RHPN2: variants seen among roughly 807,000 people sequenced by gnomAD.
The protein encoded by RHPN2 is rhophilin-2.
A neutral mutation model predicts 79.0 loss-of-function variants in RHPN2; 40 were observed. The ratio of observed to expected loss-of-function variants is 0.51; its 90% CI spans 0.39 to 0.66. The LOEUF (loss-of-function observed/expected upper bound fraction) is 0.66. RHPN2 is among the 30% of genes least tolerant of loss of function. The pLI is 0.00. For missense variants in RHPN2, 686 were observed against 883.5 expected (o/e 0.78, Z 2.83); for synonymous variants, 285 against 363.5 (o/e 0.78, Z 2.46).
At chr19:33,015,696 T>C (rs1025736163) in intron 4 of RHPN2, among the ~76,000 whole-genome samples, 3 of 152,110 alleles carry the variant, frequency 2.0e-5, no homozygotes, top group Non-Finnish European at 2.9e-5. Flanking sequence ...TGAAAGTCAA[T>C]AGTAAAAAAG....
intron 9 of RHPN2, among the ~76,000 whole-genome samples, chr19:33,001,872 GA>G (rs1234722426): frequency 6.6e-6 from 1 of 152,148 alleles, no homozygotes; most frequent in African/African-American, 2.4e-5. Context: ...CCAAAGTGCT[GA>G]GATTACAGGC....
chr19:33,061,469 T>G (rs1972279713), intron 1 of RHPN2, among the ~76,000 whole-genome samples: 2 of 150,542 alleles, frequency 1.3e-5, no homozygotes, highest in African/African-American at 2.5e-5. Flanking sequence ...CCTCCCAAAG[T>G]GCTGGGATTT....
chr19:33,002,410 T>C lies in RHPN2; in HGVS notation c.949-7A>G, dbSNP rs368412136. 1.6e-5 allele frequency: 26 copies of C among 1,613,700 alleles called. No individual in the cohort carries two copies. In the African/African-American group the frequency reaches 2.7e-4, roughly 17 times the overall value. The stretch of plus-strand genomic sequence containing the variant: ...GTTGGTAGACCTCTCCCACCTGAAA[T>C]AGAAGGGACACTGGGAAGGGGCAGC... On this transcript the variant is annotated splice_polypyrimidine_tract_variant and splice_region_variant and intron_variant, in intron 8 of 14. Transcript: ENST00000254260.
In RHPN2 at chr19:32,981,421, G is replaced by GGGGGA. The variant is rs1221253973; in HGVS notation, c.1801-1166_1801-1165insTCCCC. Among the ~76,000 whole-genome samples, 7 of 120,736 alleles carry GGGGGA rather than the reference G, an allele frequency of 5.8e-5. 1 individual carries two copies. The highest frequency in any genetic ancestry group is 1.0e-4 in the Non-Finnish European group (6 of 58,820). The allele number at this position is 120,736 out of a possible 152,430, so 79.2% of individuals were successfully genotyped here. ...TCTGTCTCAAAATAAAAAAAAAGGG[G>GGGGGA]GGGGGCGGGGGGAAGGGAAGAGGGG... On this transcript the variant is annotated intron_variant, in intron 14 of 14. Transcript: ENST00000254260.
At chr19:32,990,166 AGC>A (rs1491097969) in intron 14 of RHPN2, among the ~76,000 whole-genome samples, 1 of 41,830 alleles carries the variant, frequency 2.4e-5, no homozygotes, top group African/African-American at 1.5e-4. Context: ...AGAAAGAAAG[AGC>A]GAGCCAGGGG....
chr19:33,003,412 G>A (rs1037994552), intron 7 of RHPN2, among the ~76,000 whole-genome samples: 7 of 143,278 alleles, frequency 4.9e-5, no homozygotes, highest in African/African-American at 1.5e-4. Flanking sequence ...AAAAAGAACC[G>A]GTGTCCTACA....
intron 14 of RHPN2, among the ~76,000 whole-genome samples, chr19:32,989,532 T>C (rs2146000844): frequency 6.6e-6 from 1 of 152,374 alleles, no homozygotes; most frequent in Non-Finnish European, 1.5e-5. Flanking sequence ...GTCTTAACTT[T>C]CACAGGTTGT....
chr19:33,027,268 A>G (rs1160845601), intron 2 of RHPN2: 1 of 152,636 alleles, frequency 6.6e-6, no homozygotes, highest in Non-Finnish European at 1.5e-5. Context: ...AAAAAAAAAA[A>G]AAAGAAATGA....
At chr19:32,995,146 C>T (rs1971690654) in intron 11 of RHPN2, among the ~76,000 whole-genome samples, 2 of 152,090 alleles carry the variant, frequency 1.3e-5, no homozygotes, top group African/African-American at 2.4e-5. Context: ...GATCACAGCT[C>T]GCTTGCAGCT....
intron 7 of RHPN2, among the ~76,000 whole-genome samples, chr19:33,003,357 CAAAAAAAAAAAAA>C (rs56166279): frequency 7.5e-5 from 5 of 66,616 alleles, no homozygotes; most frequent in African/African-American, 2.6e-4. Context: ...GACTCTGTCT[CAAAAAAAAAAAAA>C]AAAAAAAAAA....
At chr19:33,001,034 GTT>G (rs1186422973) in intron 9 of RHPN2, among the ~76,000 whole-genome samples, 2 of 152,062 alleles carry the variant, frequency 1.3e-5, no homozygotes, top group Non-Finnish European at 2.9e-5. Flanking sequence ...CAGGCCCTTC[GTT>G]TTCGTTTTCA....
rs1971558995 is a variant in RHPN2, at chr19:32,979,877, A to C, written c.*119T>G. On this transcript the variant is annotated 3_prime_UTR_variant, in exon 15 of 15. Transcript: ENST00000254260. ...AAAAACACATCAAATGTGAGTTTAC[A>C]CTATGAGAAAAACAGGATTTGAGAA... 1 of 1,255,010 alleles carries C rather than the reference A, an allele frequency of 8.0e-7. No homozygotes were observed. Among genetic ancestry groups the C allele is most frequent in the Non-Finnish European group, 1.2e-6 (1 of 868,926 alleles). 77.7% of individuals were successfully genotyped at this position (1,255,010 alleles called of 1,614,324 possible). A position where few individuals can be genotyped will look rare whatever the true frequency, so the allele number is the denominator to read the frequency against.
intron 1 of RHPN2, among the ~76,000 whole-genome samples, chr19:33,050,099 C>A (rs1972175156): frequency 6.6e-6 from 1 of 152,136 alleles, no homozygotes; most frequent in South Asian, 2.1e-4. Flanking sequence ...TTCTGCCTGG[C>A]CCATTGGAAA....
intron 1 of RHPN2, among the ~76,000 whole-genome samples, chr19:33,056,107 T>TC (rs1972230549): frequency 6.7e-6 from 1 of 150,132 alleles, no homozygotes; most frequent in African/African-American, 2.5e-5. Flanking sequence ...CTTTTTTTTT[T>TC]CTTTTTTCCT....
chr19:33,024,003 C>G (rs1295406992), intron 3 of RHPN2, among the ~76,000 whole-genome samples: 1 of 152,124 alleles, frequency 6.6e-6, no homozygotes, highest in Non-Finnish European at 1.5e-5. Flanking sequence ...GAGTGTGGAA[C>G]AGCCGACATT....
At chr19:32,993,766 C>T (rs1971678950) in intron 12 of RHPN2, among the ~76,000 whole-genome samples, 1 of 152,108 alleles carries the variant, frequency 6.6e-6, no homozygotes, top group Non-Finnish European at 1.5e-5. Context: ...ACCTATAAAC[C>T]AGAACATGGG....
intron 1 of RHPN2, among the ~76,000 whole-genome samples, chr19:33,060,042 G>A (rs60009793): frequency 0.12 from 17,800 of 152,210 alleles, 1,308 homozygotes; most frequent in Admixed American, 0.27. Context: ...TGCTGGGACC[G>A]CCACATGGAT....
chr19:33,053,075 G>A (rs1374391839), intron 1 of RHPN2, among the ~76,000 whole-genome samples: 4 of 151,740 alleles, frequency 2.6e-5, no homozygotes, highest in Non-Finnish European at 4.4e-5. Flanking sequence ...GGGTTCAAGC[G>A]ATTCTCCTGT....
Position 33,046,025 on chromosome 19 carries a change from A to G in RHPN2, c.70-1661T>C, listed in dbSNP as rs540848948. On this transcript the variant is annotated intron_variant, in intron 1 of 14. Transcript: ENST00000254260. ...TATCCAGGTTGTAGCATGTATCAGA[A>G]CTTTGTCCGTTTTTGTCCCTGAATA... Among the ~76,000 whole-genome samples, 6 of 152,328 alleles carry G rather than the reference A, an allele frequency of 3.9e-5. No homozygotes were observed. In the East Asian group the frequency reaches 9.6e-4, roughly 24 times the overall value.
Sources: gnomAD v4.1 joint callset for allele counts (sites outside exome capture counted in the v4.1 genomes callset) on GRCh38, gnomAD v4.1.1 for gene constraint, MANE v1.5 for transcripts, NCBI Gene and HGNC (gene_info 2026-07-23, HGNC 2026-07-21) for gene names.